Variants in STK32B observed in about 807,000 individuals in gnomAD.
The protein encoded by STK32B is serine/threonine-protein kinase 32B.
Under a neutral mutation model 52.6 loss-of-function variants are expected in STK32B, and 43 were observed. That is an observed-to-expected ratio of 0.82 (90% confidence interval 0.64 to 1.05). STK32B has a LOEUF of 1.05. Ranked by LOEUF, STK32B falls within the 50% of genes least tolerant of loss-of-function variation. STK32B has a pLI of 0.00. For missense variants in STK32B, 621 were observed against 534.6 expected, an observed-to-expected ratio of 1.16 and a Z score of -1.59; for synonymous variants, 238 against 204.3, an observed-to-expected ratio of 1.17 and a Z score of -1.41.
intron 2 of STK32B, among the ~76,000 whole-genome samples, chr4:5,162,139 C>G (rs1032177728): frequency 1.3e-5 from 2 of 152,182 alleles, no homozygotes; most frequent in African/African-American, 2.4e-5. Context: ...GAGGTTCCAG[C>G]ACAGCTCTAG....
At chr4:5,331,765 A>C (rs1360980526) in intron 4 of STK32B, among the ~76,000 whole-genome samples, 1 of 151,994 alleles carries the variant, frequency 6.6e-6, no homozygotes, top group African/African-American at 2.4e-5. Flanking sequence ...TTTTTTCTGT[A>C]CTTAGAAATC....
chr4:5,023,723 C>T, the STK32B span, among the ~76,000 whole-genome samples: 4 of 152,176 alleles, frequency 2.6e-5, no homozygotes, highest in South Asian at 2.1e-4. Flanking sequence ...AATTACATCA[C>T]GATTAACGCC....
rs183560267 is a variant in STK32B, at chr4:5,056,608, A to G, written c.52+4693A>G. Among the ~76,000 whole-genome samples, 9 of 152,284 alleles carry G rather than the reference A, an allele frequency of 5.9e-5. No homozygotes were observed. In the East Asian group the frequency reaches 1.4e-3, roughly 23 times the overall value. On this transcript the variant is annotated intron_variant, in intron 1 of 11. Coordinates refer to ENST00000282908, the MANE Select transcript of STK32B (RefSeq NM_018401.3). ...GGGCTCCCGCCCCCTCCATGTTGATAGCTCCAGAACTCTGAGTATGGAAAA... is the reference window on the plus strand; with the variant it reads ...GGGCTCCCGCCCCCTCCATGTTGATGGCTCCAGAACTCTGAGTATGGAAAA...
At chr4:5,244,552 A>G (rs1280614013) in intron 3 of STK32B, among the ~76,000 whole-genome samples, 1 of 152,046 alleles carries the variant, frequency 6.6e-6, no homozygotes, top group Admixed American at 6.6e-5. Context: ...GATTATTTGA[A>G]GGGTTTTTTG....
At chr4:5,177,907 C>T (rs1281190293) in intron 3 of STK32B, among the ~76,000 whole-genome samples, 1 of 152,222 alleles carries the variant, frequency 6.6e-6, no homozygotes, top group South Asian at 2.1e-4. Flanking sequence ...GGTACAGCCT[C>T]CTTCCCAGCT....
chr4:5,138,779 G>A (rs1028640347), intron 1 of STK32B, among the ~76,000 whole-genome samples: 7 of 152,210 alleles, frequency 4.6e-5, no homozygotes, highest in Non-Finnish European at 1.5e-5. Flanking sequence ...GAGGGTGAGG[G>A]AAGCCTTCTG....
In STK32B at chr4:5,299,340, C is replaced by A. The variant is rs192132196; in HGVS notation, c.261-31880C>A. 3.3e-5 allele frequency among the ~76,000 whole-genome samples: 5 copies of A among 152,236 alleles called. No homozygotes were observed. The East Asian group carries it at 7.7e-4, about 24-fold the overall frequency. ...GAAGCACAAAGGAATTTCCTTCCCTCTTCATGGGCCCAGGGCCAGTCCCCA... is the reference window on the plus strand; with the variant it reads ...GAAGCACAAAGGAATTTCCTTCCCTATTCATGGGCCCAGGGCCAGTCCCCA... On this transcript the variant is annotated intron_variant, in intron 3 of 11. Transcript: ENST00000282908.
At chr4:5,320,586 C>T (rs550047066) in intron 3 of STK32B, among the ~76,000 whole-genome samples, 1 of 152,216 alleles carries the variant, frequency 6.6e-6, no homozygotes, top group Admixed American at 6.5e-5. Flanking sequence ...TCAAATACAA[C>T]TAGTGAAATG....
At chr4:5,036,092 CTT>C in the STK32B span, among the ~76,000 whole-genome samples, 7 of 152,004 alleles carry the variant, frequency 4.6e-5, no homozygotes, top group African/African-American at 1.7e-4. Flanking sequence ...AAAAAAAAAA[CTT>C]TAATGCTTTT....
intron 3 of STK32B, among the ~76,000 whole-genome samples, chr4:5,278,391 T>A (rs569459624): frequency 6.6e-6 from 1 of 152,242 alleles, no homozygotes; most frequent in South Asian, 2.1e-4. Context: ...GTTCAGCGCA[T>A]ATGTGGGCGT....
At chr4:5,046,940 A>G (rs977377225), upstream of STK32B, among the ~76,000 whole-genome samples, 3 of 152,216 alleles carry the variant, frequency 2.0e-5, no homozygotes, top group African/African-American at 7.2e-5. Context: ...TGATTTCTCA[A>G]CGATCTAGAG....
Position 5,498,994 on chromosome 4 carries a change from C to T in STK32B, c.1156C>T (p.Arg386Ter), listed in dbSNP as rs758344233. 9.3e-6 allele frequency: 15 copies of T among 1,613,688 alleles called. No homozygotes were observed. Among genetic ancestry groups the T allele is most frequent in the African/African-American group, 1.3e-5 (1 of 74,868 alleles). The change falls in exon 12 of 12, where the codon CGA becomes TGA. Residue 386 changes from arginine to a stop codon, truncating the protein, a stop_gained. Coordinates refer to ENST00000282908, the MANE Select transcript of STK32B (RefSeq NM_018401.3). LOFTEE classifies it high-confidence loss of function. ...QGSQLLDTDS[R>*]GGGQAQSKLQ... ...CAGCCAGCTCTTGGACACCGACAGCCGAGGGGGAGGCCAGGCCCAAAGCAA... is the reference window on the plus strand; with the variant it reads ...CAGCCAGCTCTTGGACACCGACAGCTGAGGGGGAGGCCAGGCCCAAAGCAA...
Position 5,500,329 on chromosome 4 carries a change from G to C in STK32B, c.*1246G>C, listed in dbSNP as rs56169556. 2.0e-5 allele frequency: 3 copies of C among 152,194 alleles called. No homozygotes were observed. In the South Asian group the frequency reaches 6.2e-4, roughly 32 times the overall value. The allele number at this position is 152,194 out of a possible 1,614,324, so 9.4% of individuals were successfully genotyped here. A position where few individuals can be genotyped will look rare whatever the true frequency, so the allele number is the denominator to read the frequency against. On this transcript the variant is annotated 3_prime_UTR_variant, in exon 12 of 12. Transcript: ENST00000282908. ...GCAGGGGAGTTACAGGGTTAAATAA[G>C]ATCCTGTGTGTAACCCCAAGCATTG...
At chr4:5,208,589 A>G (rs1175711476) in intron 3 of STK32B, among the ~76,000 whole-genome samples, 1 of 152,198 alleles carries the variant, frequency 6.6e-6, no homozygotes, top group Non-Finnish European at 1.5e-5. Flanking sequence ...TAGGACTTGA[A>G]GGCAAAATTC....
chr4:5,172,810 G>C (rs1719496362), intron 3 of STK32B, among the ~76,000 whole-genome samples: 1 of 152,172 alleles, frequency 6.6e-6, no homozygotes, highest in Admixed American at 6.5e-5. Flanking sequence ...GTATCAGGAT[G>C]ATACTGGCCT....
intron 4 of STK32B, among the ~76,000 whole-genome samples, chr4:5,385,409 G>A (rs1173319153): frequency 6.6e-6 from 1 of 150,856 alleles, no homozygotes; most frequent in Non-Finnish European, 1.5e-5. Flanking sequence ...AAAGGGCATG[G>A]TCCCAAGGTG....
chr4:5,357,253 A>T (rs538668564), intron 4 of STK32B, among the ~76,000 whole-genome samples: 1 of 150,656 alleles, frequency 6.6e-6, no homozygotes, highest in Non-Finnish European at 1.5e-5. Context: ...ATTTAATTGG[A>T]ATGTACTGTG....
rs991814791 is a variant in STK32B, at chr4:5,058,021, A to G, written c.52+6106A>G. ...CCCTTAGCTAGAGCCAACCAAGGAA[A>G]AGATGGATGTCAACGTTGTTAGCAA... On this transcript the variant is annotated intron_variant, in intron 1 of 11. Transcript: ENST00000282908. This position sits in a 1 kb window ranked among gnomAD's most constrained non-coding sequence, Gnocchi z 4.8. 6.6e-6 allele frequency among the ~76,000 whole-genome samples: 1 copy of G among 152,174 alleles called. No homozygotes were observed. The highest frequency in any genetic ancestry group is 1.5e-5 in the Non-Finnish European group (1 of 68,020).
At chr4:5,156,571 C>T (rs1309796994) in intron 2 of STK32B, among the ~76,000 whole-genome samples, 1 of 152,182 alleles carries the variant, frequency 6.6e-6, no homozygotes, top group African/African-American at 2.4e-5. Context: ...ACTCTGTAGT[C>T]AGCAGGGCTT....
Sources: allele counts gnomAD v4.1 joint callset (sites outside exome capture counted in the v4.1 genomes callset), GRCh38; gene constraint gnomAD v4.1.1; non-coding constraint Gnocchi (gnomAD v3.1); transcripts MANE v1.5; gene names NCBI Gene and HGNC (gene_info 2026-07-23, HGNC 2026-07-21).